PCDH7: variants seen among roughly 807,000 people sequenced by gnomAD.
PCDH7 encodes the protein protocadherin 7, also known as protocadherin-7.
Under a neutral mutation model 58.9 loss-of-function variants are expected in PCDH7, and 17 were observed. The observed-to-expected ratio is 0.29, with a 90% CI of 0.20 to 0.43. The LOEUF (loss-of-function observed/expected upper bound fraction) is 0.43, where lower values mean the gene tolerates loss of function less well. Ranked by LOEUF, PCDH7 falls within the 20% of genes least tolerant of loss-of-function variation. The pLI, the probability that PCDH7 is intolerant of heterozygous loss-of-function variation, is 1.00. For missense variants in PCDH7, 1,274 were observed against 1,441.0 expected, an observed-to-expected ratio of 0.88 and a Z score of 1.88; for synonymous variants, 664 against 616.4, an observed-to-expected ratio of 1.08 and a Z score of -1.14.
intron 3 of PCDH7, among the ~76,000 whole-genome samples, chr4:30,965,211 T>C (rs1748893185): frequency 1.3e-5 from 2 of 152,132 alleles, no homozygotes; most frequent in African/African-American, 2.4e-5. Context: ...TAAAGAATAA[T>C]AAAATGTGAT....
rs1232460032 is a variant in PCDH7, at chr4:30,721,600, G to A, written c.178G>A (p.Gly60Arg). The A allele has an allele frequency of 1.9e-6, 3 of 1,611,616 alleles. No homozygotes were observed. Among genetic ancestry groups the A allele is most frequent in the African/African-American group, 2.7e-5 (2 of 75,050 alleles). The change falls in exon 1 of 2, where the codon GGA becomes AGA. Residue 60 changes from glycine (G) to arginine (R), a missense_variant. This residue lies in a region of PCDH7 where 212 missense variants were observed against 255.8 expected (regional missense o/e 0.83). Transcript: ENST00000361762. This position sits in a 1 kb window ranked among gnomAD's most constrained non-coding sequence, Gnocchi z 6.7. ...GGCTTCAGACCTGGGCATCGTGACC[G>A]GATCGGGTGAGGTGACTTTCAGCCT...
At chr4:30,783,475 A>G (rs1443394223) in intron 1 of PCDH7, among the ~76,000 whole-genome samples, 1 of 152,036 alleles carries the variant, frequency 6.6e-6, no homozygotes, top group African/African-American at 2.4e-5. Flanking sequence ...ATGCAAACAC[A>G]TTCAACAGAT....
chr4:31,141,070 A>T (rs1720192163), intron 3 of PCDH7, among the ~76,000 whole-genome samples: 1 of 152,244 alleles, frequency 6.6e-6, no homozygotes, highest in Non-Finnish European at 1.5e-5. Flanking sequence ...AATGACAAAC[A>T]TTAGTGGCGA....
chr4:30,835,922 T>A (rs1305004304), intron 1 of PCDH7, among the ~76,000 whole-genome samples: 1 of 152,162 alleles, frequency 6.6e-6, no homozygotes, highest in African/African-American at 2.4e-5. Flanking sequence ...TCACAACATA[T>A]GAAAAAGAAG....
intron 3 of PCDH7, among the ~76,000 whole-genome samples, chr4:31,107,920 T>C (rs1277715834): frequency 1.3e-5 from 2 of 152,164 alleles, no homozygotes; most frequent in African/African-American, 4.8e-5. Flanking sequence ...TTTTTATTAG[T>C]AGTTGTTATT....
intron 2 of PCDH7, among the ~76,000 whole-genome samples, chr4:30,945,557 A>G (rs1264334312): frequency 2.0e-5 from 3 of 152,016 alleles, no homozygotes; most frequent in African/African-American, 7.2e-5. Context: ...TAATTTTCAA[A>G]AAATGCTTCA....
chr4:31,085,245 G>A (rs1466296461), intron 3 of PCDH7, among the ~76,000 whole-genome samples: 1 of 151,986 alleles, frequency 6.6e-6, no homozygotes, highest in Non-Finnish European at 1.5e-5. Context: ...AGATCAGATG[G>A]CCAGTTTATT....
intron 3 of PCDH7, among the ~76,000 whole-genome samples, chr4:31,095,685 G>T (rs928654132): frequency 1.3e-5 from 2 of 152,092 alleles, no homozygotes; most frequent in Non-Finnish European, 2.9e-5. Context: ...GCTTGGGAGT[G>T]GAGTATTTAA....
chr4:31,056,487 A>AAGAG (rs1381232666), intron 3 of PCDH7, among the ~76,000 whole-genome samples: 1 of 136,958 alleles, frequency 7.3e-6, no homozygotes, highest in Non-Finnish European at 1.6e-5. Context: ...GAAAGAAAGA[A>AAGAG]AGAAAGAAAG....
chr4:30,915,515 C>T (rs10034034), intron 1 of PCDH7, among the ~76,000 whole-genome samples: 5,527 of 152,138 alleles, frequency 0.036, 333 homozygotes, highest in African/African-American at 0.13. Flanking sequence ...TCATTCTCAC[C>T]TCTGTTGTTG....
chr4:30,737,313 T>C (rs1716440633), downstream of PCDH7, among the ~76,000 whole-genome samples: 1 of 152,226 alleles, frequency 6.6e-6, no homozygotes, highest in South Asian at 2.1e-4. Context: ...CTCTAACCTC[T>C]TTTTCAGTTG....
intron 3 of PCDH7, among the ~76,000 whole-genome samples, chr4:31,056,407 A>T (rs868129679): frequency 6.8e-6 from 1 of 146,350 alleles, no homozygotes; most frequent in Non-Finnish European, 1.5e-5. Context: ...AAAGGAAGAA[A>T]GAAAGAAGGA....
At chr4:31,028,483 C>T (rs1754626659) in intron 3 of PCDH7, among the ~76,000 whole-genome samples, 1 of 151,924 alleles carries the variant, frequency 6.6e-6, no homozygotes, top group African/African-American at 2.4e-5. Flanking sequence ...AGACCCTGCT[C>T]TAAAAATAAA....
intron 1 of PCDH7, among the ~76,000 whole-genome samples, chr4:30,904,839 C>T (rs1740713027): frequency 6.6e-6 from 1 of 152,144 alleles, no homozygotes; most frequent in Non-Finnish European, 1.5e-5. Context: ...AGTCAGGTTT[C>T]AGTTCAGCTT....
At chr4:30,739,241 C>T (rs1716756012) in intron 1 of PCDH7, among the ~76,000 whole-genome samples, 1 of 147,610 alleles carries the variant, frequency 6.8e-6, no homozygotes, top group East Asian at 2.2e-4. Flanking sequence ...CATCAAAGTC[C>T]AGAAGGGGAA....
intron 3 of PCDH7, among the ~76,000 whole-genome samples, chr4:31,040,586 C>G (rs1755780173): frequency 6.6e-6 from 1 of 152,098 alleles, no homozygotes; most frequent in African/African-American, 2.4e-5. Context: ...CACCATTAAT[C>G]AGAAACTAAA....
At chr4:31,095,395 T>A (rs1043739588) in intron 3 of PCDH7, among the ~76,000 whole-genome samples, 1 of 152,134 alleles carries the variant, frequency 6.6e-6, no homozygotes, top group Non-Finnish European at 1.5e-5. Flanking sequence ...TTTCTATTCC[T>A]ACTGAGAATC....
At chr4:31,041,277 G>A (rs1253124102) in intron 3 of PCDH7, among the ~76,000 whole-genome samples, 1 of 152,068 alleles carries the variant, frequency 6.6e-6, no homozygotes, top group Non-Finnish European at 1.5e-5. Flanking sequence ...TTTTAGAATT[G>A]TTTGCTTGGT....
chr4:31,064,701 A>G (rs1310218656), intron 3 of PCDH7, among the ~76,000 whole-genome samples: 1 of 151,860 alleles, frequency 6.6e-6, no homozygotes, highest in Non-Finnish European at 1.5e-5. Flanking sequence ...TGTAAGTGCA[A>G]TAGTCATATT....
Sources: gnomAD v4.1 joint callset for allele counts (sites outside exome capture counted in the v4.1 genomes callset) on GRCh38, gnomAD v4.1.1 for gene constraint, gnomAD v4.1.1 regional missense constraint, Gnocchi (gnomAD v3.1) non-coding constraint, MANE v1.5 for transcripts, NCBI Gene and HGNC (gene_info 2026-07-23, HGNC 2026-07-21) for gene names.